MTMR14: variants seen among roughly 807,000 people sequenced by gnomAD.
MTMR14 encodes phosphatidylinositol-3,5-bisphosphate 3-phosphatase MTMR14.
MTMR14 carries 48 observed loss-of-function variants against 86.3 expected under a neutral mutation model. The observed-to-expected ratio is 0.56, with a 90% CI of 0.44 to 0.71. The LOEUF (loss-of-function observed/expected upper bound fraction) is 0.71. Among genes scored for constraint, MTMR14 ranks in the 30% least tolerant of loss-of-function variants. The probability of loss-of-function intolerance (pLI) is 0.00; values close to 1 mark genes in which losing one functional copy is unlikely to be tolerated. For missense variants in MTMR14, 780 were observed against 834.6 expected (o/e 0.93, Z 0.81); for synonymous variants, 366 against 326.1 (o/e 1.12, Z -1.32).
In MTMR14 at chr3:9,677,937, T is replaced by G. The variant is rs763019805; in HGVS notation, c.823-47T>G. On this transcript the variant is annotated intron_variant, in intron 8 of 18. Coordinates refer to ENST00000296003, the MANE Select transcript of MTMR14 (RefSeq NM_001077525.3). This position sits in a 1 kb window ranked among gnomAD's most constrained non-coding sequence, Gnocchi z 4.2. ...TGCAAGCTTCCCCATCACCTAAGCC[T>G]CCTCTGGTGGCCAACCCACATCTCA... The G allele has an allele frequency of 1.6e-5, 26 of 1,590,992 alleles. No homozygotes were observed. The highest frequency in any genetic ancestry group is 3.4e-5 in the Admixed American group (2 of 59,624).
At chr3:9,653,312 A>G (rs909952533) in intron 1 of MTMR14, among the ~76,000 whole-genome samples, 1 of 152,182 alleles carries the variant, frequency 6.6e-6, no homozygotes, top group African/African-American at 2.4e-5. Flanking sequence ...CTGGACCAAG[A>G]GTTCTTATGT....
intron 2 of MTMR14, among the ~76,000 whole-genome samples, chr3:9,660,238 G>A (rs999738458): frequency 2.6e-5 from 4 of 151,948 alleles, no homozygotes; most frequent in Admixed American, 6.6e-5. Context: ...CTGGTGGGTT[G>A]CTGCCACCCT....
chr3:9,702,021 T>G lies in MTMR14; in HGVS notation c.*48T>G, dbSNP rs1235318392. The G allele has an allele frequency of 6.2e-7, 1 of 1,607,402 alleles. No individual in the cohort carries two copies. ...CCTGCTCCTCTCTCAGCTGAGCCCT[T>G]AGCAGAGAATCAAAGCCATGCCTGG... On this transcript the variant is annotated 3_prime_UTR_variant, in exon 19 of 19. Transcript: ENST00000296003.
At chr3:9,653,791 T>G (rs773547864) in intron 2 of MTMR14, 22 bp downstream of exon 2, 1 of 1,614,058 alleles carries the variant, frequency 6.2e-7, no homozygotes, top group South Asian at 1.1e-5. Context: ...GTGACCGTAG[T>G]GTACATGTCT....
intron 2 of MTMR14, chr3:9,653,991 C>T (rs1312051375): frequency 1.7e-6 from 1 of 580,678 alleles, no homozygotes; most frequent in Non-Finnish European, 3.1e-6. Context: ...GTTTCACTTC[C>T]ACCCTAGAGC....
intron 2 of MTMR14, among the ~76,000 whole-genome samples, chr3:9,661,380 G>A (rs985668147): frequency 2.0e-5 from 3 of 152,096 alleles, no homozygotes; most frequent in African/African-American, 4.8e-5. Flanking sequence ...AATAGGGTTC[G>A]AGCTCCTATG....
intron 2 of MTMR14, among the ~76,000 whole-genome samples, chr3:9,654,174 A>G (rs1439254481): frequency 6.6e-6 from 1 of 152,230 alleles, no homozygotes; most frequent in Non-Finnish European, 1.5e-5. Context: ...CAGACTGTCT[A>G]GAGTTCACAT....
At chr3:9,652,274 A>G (rs1281526778) in intron 1 of MTMR14, among the ~76,000 whole-genome samples, 10 of 152,206 alleles carry the variant, frequency 6.6e-5, no homozygotes, top group Admixed American at 6.5e-4. Context: ...GCCCTCTTGC[A>G]AACTTCTTGA....
chr3:9,697,178 A>G (rs900609539), intron 17 of MTMR14, among the ~76,000 whole-genome samples: 2 of 152,190 alleles, frequency 1.3e-5, no homozygotes, highest in Non-Finnish European at 2.9e-5. Flanking sequence ...GGGGGACCTC[A>G]GGGCTCCCAT....
intron 3 of MTMR14, among the ~76,000 whole-genome samples, chr3:9,663,507 T>C (rs1468838364): frequency 1.6e-5 from 2 of 126,886 alleles, no homozygotes; most frequent in African/African-American, 5.9e-5. Flanking sequence ...CTCTCTTTTT[T>C]TTTTTTTTTT....
At chr3:9,662,199 A>G (rs2047980406) in intron 2 of MTMR14, 68 bp from the exon 3 acceptor site, 2 of 1,171,412 alleles carry the variant, frequency 1.7e-6, no homozygotes, top group South Asian at 2.4e-5. Flanking sequence ...GTCTGTGTGA[A>G]TAAACACATA....
chr3:9,691,660 C>A (rs2076143058), intron 17 of MTMR14, among the ~76,000 whole-genome samples: 1 of 152,208 alleles, frequency 6.6e-6, no homozygotes, highest in South Asian at 2.1e-4. Context: ...CAAAAGATCC[C>A]ACTTTCCAAT....
Position 9,689,982 on chromosome 3 carries a change from C to T in MTMR14, c.1452C>T (p.Ser484=). ...ACTGCAGGAGGAAGAGCCACTCATC[C>T]TCTCCACAGAGTGTCCTCTGGAACC... ...TQAAWRKSHS[S]SPQSVLWNRP... The change falls in exon 17 of 19, where the codon TCC becomes TCT. Residue 484 remains serine, a synonymous_variant. Coordinates refer to ENST00000296003, the MANE Select transcript of MTMR14 (RefSeq NM_001077525.3). 1 of 1,611,086 alleles carries T rather than the reference C, an allele frequency of 6.2e-7. No homozygotes were observed. The highest frequency in any genetic ancestry group is 1.1e-5 in the South Asian group (1 of 90,660).
intron 17 of MTMR14, among the ~76,000 whole-genome samples, chr3:9,694,252 A>G (rs1454458965): frequency 6.6e-6 from 1 of 152,178 alleles, no homozygotes; most frequent in Non-Finnish European, 1.5e-5. Context: ...TAGCTGTCTG[A>G]CTTGGAAAAA....
rs186943130 is a variant in MTMR14 at position 9,683,479 on chromosome 3, G to C, written c.964+235G>C. The stretch of plus-strand genomic sequence containing the variant: ...TTAAGAACTCCTTACCATCTATGCC[G>C]TGCACAGGGTATTTTCACACTGTCT... On this transcript the variant is annotated intron_variant, in intron 10 of 18. Coordinates refer to ENST00000296003, the MANE Select transcript of MTMR14 (RefSeq NM_001077525.3). 6 of 526,390 alleles carry C rather than the reference G, an allele frequency of 1.1e-5. 1 individual carries two copies. The highest frequency in any genetic ancestry group is 9.5e-5 in the Admixed American group (3 of 31,516). The allele number at this position is 526,390 out of a possible 1,614,324, so 32.6% of individuals were successfully genotyped here. A position where few individuals can be genotyped will look rare whatever the true frequency, so the allele number is the denominator to read the frequency against.
At chr3:9,654,045 T>G (rs2047460158) in intron 2 of MTMR14, among the ~76,000 whole-genome samples, 1 of 152,226 alleles carries the variant, frequency 6.6e-6, no homozygotes. Flanking sequence ...CTTCTCTGAA[T>G]ATCAGTGTCC....
chr3:9,656,011 A>G (rs748674667), intron 2 of MTMR14, among the ~76,000 whole-genome samples: 2 of 151,880 alleles, frequency 1.3e-5, no homozygotes, highest in East Asian at 3.9e-4. Context: ...CCTGGCCAAC[A>G]TGGTGAAACC....
chr3:9,661,641 G>A (rs1476335029), intron 2 of MTMR14, among the ~76,000 whole-genome samples: 1 of 152,118 alleles, frequency 6.6e-6, no homozygotes, highest in Admixed American at 6.5e-5. Flanking sequence ...CTTATCCTGG[G>A]AGTTAAAAAT....
chr3:9,701,571 G>A lies in MTMR14; in HGVS notation c.1770-219G>A. ...GTCCCAGTAAAAGCTCCTGCTCTAGGTGGGAACAGTAGCCTGAGGGCTTAG... is the reference window on the plus strand; with the variant it reads ...GTCCCAGTAAAAGCTCCTGCTCTAGATGGGAACAGTAGCCTGAGGGCTTAG... On this transcript the variant is annotated intron_variant, in intron 18 of 18. Coordinates refer to ENST00000296003, the MANE Select transcript of MTMR14 (RefSeq NM_001077525.3). The surrounding 1 kb of genome is among the most constrained non-coding windows in gnomAD (Gnocchi z 4.2). 1 of 617,328 alleles carries A rather than the reference G, an allele frequency of 1.6e-6. No individual in the cohort carries two copies. Among genetic ancestry groups the A allele is most frequent in the Non-Finnish European group, 2.9e-6 (1 of 348,692 alleles). The allele number at this position is 617,328 out of a possible 1,614,324, so 38.2% of individuals were successfully genotyped here.
Sources: gnomAD v4.1 joint callset for allele counts (sites outside exome capture counted in the v4.1 genomes callset) on GRCh38, gnomAD v4.1.1 for gene constraint, Gnocchi (gnomAD v3.1) non-coding constraint, MANE v1.5 for transcripts, NCBI Gene and HGNC (gene_info 2026-07-23, HGNC 2026-07-21) for gene names.